Variants in TOP3A observed in about 807,000 individuals in gnomAD.
TOP3A encodes the protein DNA topoisomerase III alpha, also known as DNA topoisomerase 3-alpha.
A neutral mutation model predicts 111.3 loss-of-function variants in TOP3A; 64 were observed. The ratio of observed to expected loss-of-function variants is 0.57; its 90% CI spans 0.47 to 0.71. The LOEUF is 0.71. TOP3A is among the 30% of genes least tolerant of loss of function. The pLI is 0.00. For synonymous variants in TOP3A, 484 were observed against 485.1 expected (o/e 1.00, Z 0.03); for missense variants, 1,104 against 1,285.0 (o/e 0.86, Z 2.15).
At chr17:18,298,482 G>A (rs1308444342) in intron 9 of TOP3A, among the ~76,000 whole-genome samples, 5 of 149,738 alleles carry the variant, frequency 3.3e-5, no homozygotes, top group Admixed American at 6.6e-5. Context: ...GGTGAGGGGC[G>A]CCTCTGCCCG....
rs778504793 is a variant in TOP3A at position 18,292,764 on chromosome 17, G to A, written c.1162C>T (p.Arg388Cys). The A allele has an allele frequency of 6.1e-5, 99 of 1,613,872 alleles. No individual in the cohort carries two copies. The highest frequency in any genetic ancestry group is 3.2e-4 in the Admixed American group (19 of 59,978). Residue 388 changes from arginine to cysteine, a missense_variant, in exon 11 of 19, where the codon CGC becomes TGC. By Grantham distance (180) the Arg-to-Cys change is radical. Coordinates refer to ENST00000321105, the MANE Select transcript of TOP3A (RefSeq NM_004618.5). ...ATGCTCTGGGCAAAGGCCCCCCAGC[G>A]TGGATCGGGGGTCTGCTGTTCCACC... ...VLVEQQTPDPRWGAFAQSILE... is the reference protein window; with the variant it reads ...VLVEQQTPDPCWGAFAQSILE...
At chr17:18,284,969 G>A (rs1979994666) in intron 15 of TOP3A, among the ~76,000 whole-genome samples, 173 bp downstream of exon 15, 1 of 152,194 alleles carries the variant, frequency 6.6e-6, no homozygotes, top group Non-Finnish European at 1.5e-5. Context: ...GGAGGCCACT[G>A]GTGAGGATGA....
chr17:18,273,301 G>C lies in TOP3A; in HGVS notation c.*1501C>G, dbSNP rs187896550. On this transcript the variant is annotated 3_prime_UTR_variant, in exon 19 of 19. Transcript: ENST00000321105. ...CCATATGGCTTGTATTATTCACAAG[G>C]TTTTTGTGAAGGCAAACGGGGGAAC... 4.5e-4 allele frequency: 68 copies of C among 152,332 alleles called. No homozygotes were observed. The highest frequency in any genetic ancestry group is 1.6e-3 in the African/African-American group (67 of 41,584). 9.4% of individuals were successfully genotyped at this position (152,332 alleles called of 1,614,324 possible). A position where few individuals can be genotyped will look rare whatever the true frequency, so the allele number is the denominator to read the frequency against.
Position 18,299,682 on chromosome 17 carries a change from C to T in TOP3A, c.916-49G>A, listed in dbSNP as rs2294913. On this transcript the variant is annotated intron_variant, in intron 8 of 18. Coordinates refer to ENST00000321105, the MANE Select transcript of TOP3A (RefSeq NM_004618.5). ...CCATGTTAACCTGTTAGTGCATCATCTCCATCCTTCCTATGGATAGCCCAT... is the reference window on the plus strand; with the variant it reads ...CCATGTTAACCTGTTAGTGCATCATTTCCATCCTTCCTATGGATAGCCCAT... The T allele has an allele frequency of 0.24, 362,516 of 1,537,402 alleles. 43,794 individuals are homozygous for T. Among genetic ancestry groups the T allele is most frequent in the Middle Eastern group, 0.28 (1,644 of 5,942 alleles).
chr17:18,287,966 C>A (rs1980212666), intron 13 of TOP3A, among the ~76,000 whole-genome samples: 2 of 151,514 alleles, frequency 1.3e-5, no homozygotes. Context: ...CCACTCCACT[C>A]CAGCCTGCAG....
At chr17:18,304,255 G>A (rs181983570) in intron 5 of TOP3A, among the ~76,000 whole-genome samples, 8 of 151,144 alleles carry the variant, frequency 5.3e-5, no homozygotes, top group East Asian at 3.9e-4. Flanking sequence ...ATGAGCCACC[G>A]TGCCTGGCTG....
chr17:18,296,231 T>C (rs1980794728), intron 9 of TOP3A, among the ~76,000 whole-genome samples: 1 of 152,210 alleles, frequency 6.6e-6, no homozygotes, highest in Non-Finnish European at 1.5e-5. Flanking sequence ...CTGATGACTA[T>C]ACGTCACACT....
rs528024236 is a variant in TOP3A, at chr17:18,299,520, T to A, written c.990+39A>T. ...AGAACCACAGCCTCAAAACAGTAAG[T>A]GTTCCCCGAGTGCCTGAAACAGCCT... On this transcript the variant is annotated intron_variant, in intron 9 of 18. Coordinates refer to ENST00000321105, the MANE Select transcript of TOP3A (RefSeq NM_004618.5). The A allele has an allele frequency of 6.7e-5, 107 of 1,588,328 alleles. No homozygotes were observed. In the East Asian group the frequency reaches 2.2e-3, roughly 33 times the overall value.
At position 18,314,920 on chromosome 17, in the gene TOP3A, C is replaced by T. The variant is rs542146539; in HGVS notation, c.-142G>A. 18 of 317,458 alleles carry T rather than the reference C, an allele frequency of 5.7e-5. No individual in the cohort carries two copies. In the South Asian group the frequency reaches 5.9e-4, roughly 10 times the overall value. 19.7% of individuals were successfully genotyped at this position (317,458 alleles called of 1,614,324 possible). On this transcript the variant is annotated 5_prime_UTR_variant, in exon 1 of 19. Coordinates refer to ENST00000321105, the MANE Select transcript of TOP3A (RefSeq NM_004618.5). ...CCCACCAGCCTGCTGGCCTTTGGAG[C>T]TTCAGTCACTGAGCCTTTCCCGTGC...
chr17:18,275,963 C>A (rs1254740107), intron 18 of TOP3A, among the ~76,000 whole-genome samples: 1 of 152,176 alleles, frequency 6.6e-6, no homozygotes, highest in Admixed American at 6.5e-5. Context: ...CCGGCTGAAT[C>A]AGTTTTTATA....
chr17:18,302,677 T>C lies in TOP3A; in HGVS notation c.546A>G (p.Thr182=), dbSNP rs1425059224. Residue 182 remains threonine, a synonymous_variant, in exon 6 of 19, where the codon ACA becomes ACG. Transcript: ENST00000321105. ...CACAAGCTGTCCTGACGGCATGGGG[T>C]GTGATCTCAGAGAATCGGGCTCGCA... ...QVLRARFSEI[T]PHAVRTACEN... is the part of the protein sequence containing the mutation. 4 of 1,613,958 alleles carry C rather than the reference T, an allele frequency of 2.5e-6. No individual in the cohort carries two copies. Among genetic ancestry groups the C allele is most frequent in the Admixed American group, 1.7e-5 (1 of 59,982 alleles).
At chr17:18,305,930 G>A (rs117841962) in intron 4 of TOP3A, among the ~76,000 whole-genome samples, 299 of 152,040 alleles carry the variant, frequency 2.0e-3, no homozygotes, top group Admixed American at 5.8e-3. Flanking sequence ...GGCCAGGCTC[G>A]GTGGCTCACA....
In TOP3A at chr17:18,280,658, C is replaced by A; in HGVS notation, c.2022G>T (p.Gly674=). 2 of 1,613,944 alleles carry A rather than the reference C, an allele frequency of 1.2e-6. No homozygotes were observed. The highest frequency in any genetic ancestry group is 1.7e-6 in the Non-Finnish European group (2 of 1,179,874). ...GGAAACCCATGCAGCTGAGGTAGAACCTGGGGACAAAGTGCCATGTCAGAT... is the reference window on the plus strand; with the variant it reads ...GGAAACCCATGCAGCTGAGGTAGAAACTGGGGACAAAGTGCCATGTCAGAT... ...DMVLKTKKNG[G]FYLSCMGFPE... is the part of the protein sequence containing the mutation. The change falls in exon 17 of 19, where the codon GGG becomes GGT. Residue 674 remains glycine, a splice_region_variant and synonymous_variant. Coordinates refer to ENST00000321105, the MANE Select transcript of TOP3A (RefSeq NM_004618.5).
At chr17:18,279,096 C>T (rs1025220602) in intron 17 of TOP3A, among the ~76,000 whole-genome samples, 2 of 152,160 alleles carry the variant, frequency 1.3e-5, no homozygotes, top group African/African-American at 4.8e-5. Flanking sequence ...GAAGCAGATA[C>T]GGGAATCCAG....
rs1979837546 is a variant in TOP3A, at chr17:18,282,732, T to C, written c.1987A>G (p.Lys663Glu). 6.2e-7 allele frequency: 1 copy of C among 1,613,922 alleles called. No individual in the cohort carries two copies. The highest frequency in any genetic ancestry group is 1.3e-5 in the African/African-American group (1 of 74,940). ...EPIRKCPQCN[K>E]DMVLKTKKNG... ...TTCTTGGTCTTAAGGACCATGTCCTTGTTGCACTGTGGGCACTTCCTGATG... is the reference window on the plus strand; with the variant it reads ...TTCTTGGTCTTAAGGACCATGTCCTCGTTGCACTGTGGGCACTTCCTGATG... The change falls in exon 16 of 19, where the codon AAG becomes GAG. Residue 663 changes from lysine to glutamate, a missense_variant. Coordinates refer to ENST00000321105, the MANE Select transcript of TOP3A (RefSeq NM_004618.5).
rs1347408530 is a variant in TOP3A at position 18,314,759 on chromosome 17, C to A, written c.20G>T (p.Arg7Leu). 8.4e-6 allele frequency: 13 copies of A among 1,556,074 alleles called. 1 individual carries two copies. The highest frequency in any genetic ancestry group is 1.2e-5 in the South Asian group (1 of 84,980). The change falls in exon 1 of 19, where the codon CGC becomes CTC. Residue 7 changes from arginine (R) to leucine (L), a missense_variant. Coordinates refer to ENST00000321105, the MANE Select transcript of TOP3A (RefSeq NM_004618.5). MIFPVARYALRWLRRPE... is the reference protein window; with the variant it reads MIFPVALYALRWLRRPE... ...CCGTCGCAGCCACCGGAGCGCGTAG[C>A]GGGCGACAGGAAAGATCATCCTCAG...
At chr17:18,302,028 C>G in intron 7 of TOP3A, 43 bp from the exon 8 acceptor site, 2 of 1,568,736 alleles carry the variant, frequency 1.3e-6, no homozygotes, top group Non-Finnish European at 1.8e-6. Context: ...GTCTCAGAGA[C>G]ATGTCATGAT....
At position 18,301,877 on chromosome 17, in the gene TOP3A, G is replaced by T. The variant is rs1376795644; in HGVS notation, c.915+8C>A. The T allele has an allele frequency of 1.9e-6, 3 of 1,612,244 alleles. No homozygotes were observed. In the African/African-American group the frequency reaches 4.0e-5, roughly 22 times the overall value. On this transcript the variant is annotated splice_region_variant and intron_variant, in intron 8 of 18. Coordinates refer to ENST00000321105, the MANE Select transcript of TOP3A (RefSeq NM_004618.5). ...CAGAATGTTTCCTAGATCATTAGGG[G>T]TTCTTACCTCCACACACAACTGATA...
At chr17:18,294,054 G>C (rs1053940685) in intron 10 of TOP3A, among the ~76,000 whole-genome samples, 1 of 152,208 alleles carries the variant, frequency 6.6e-6, no homozygotes, top group Non-Finnish European at 1.5e-5. Context: ...AGCACAGTTA[G>C]AGGACCTCAG....
Sources: gnomAD v4.1 joint callset for allele counts (sites outside exome capture counted in the v4.1 genomes callset) on GRCh38, gnomAD v4.1.1 for gene constraint, MANE v1.5 for transcripts, NCBI Gene and HGNC (gene_info 2026-07-23, HGNC 2026-07-21) for gene names.